The following DOT1L variants were observed in gnomAD, a reference collection of about 807,000 sequenced individuals.
DOT1L encodes the protein histone-lysine N-methyltransferase, H3 lysine-79 specific.
Under a neutral mutation model 153.3 loss-of-function variants are expected in DOT1L, and 33 were observed. The ratio of observed to expected loss-of-function variants is 0.22; its 90% CI spans 0.16 to 0.29. DOT1L has a LOEUF of 0.29. DOT1L is among the 10% of genes least tolerant of loss of function. The pLI is 1.00. For missense variants in DOT1L, 1,847 were observed against 2,119.9 expected (o/e 0.87, Z 2.53); for synonymous variants, 1,135 against 965.1 (o/e 1.18, Z -3.26).
chr19:2,227,068 G>T lies in DOT1L; in HGVS notation c.4547G>T (p.Arg1516Ile), dbSNP rs2024379524. The change falls in exon 27 of 28, where the codon AGA (arginine) becomes ATA (isoleucine). Residue 1516 changes from arginine (R) to isoleucine (I), a missense_variant. Physicochemically the swap from Arg to Ile is moderately conservative, Grantham distance 97. Around this residue, in one of 8 missense-constraint regions of DOT1L, gnomAD observed 934 missense variants for 825.3 expected, o/e 1.13. Transcript: ENST00000398665. ...GLVHVSSAAT[R>I]LTNSHAMGSF... ...GTGCACGTGTCGTCCGCTGCCACCA[G>T]ACTGACCAACTCGCACGCCATGGGC... The T allele has an allele frequency of 6.4e-7, 1 of 1,571,458 alleles. No homozygotes were observed. Among genetic ancestry groups the T allele is most frequent in the Admixed American group, 1.8e-5 (1 of 56,918 alleles).
chr19:2,216,758 C>G lies in DOT1L; in HGVS notation c.2401C>G (p.His801Asp). The change falls in exon 20 of 28, where the codon CAT (histidine) becomes GAT (aspartate). Residue 801 changes from histidine to aspartate, a missense_variant. This residue lies in a region of DOT1L where 281 missense variants were observed against 263.6 expected (regional missense o/e 1.07). Transcript: ENST00000398665. ...VPGRPAASEL[H>D]SRAEHTKENG... Reference sequence around the variant, plus strand: ...CGGCAGGCCGGCTGCCAGTGAGCTGCATTCGAGGTGAGTGCCCTGGTGGGG... The same window carrying G: ...CGGCAGGCCGGCTGCCAGTGAGCTGGATTCGAGGTGAGTGCCCTGGTGGGG... 6.3e-7 allele frequency: 1 copy of G among 1,590,086 alleles called. No individual in the cohort carries two copies. Among genetic ancestry groups the G allele is most frequent in the Non-Finnish European group, 8.5e-7 (1 of 1,172,538 alleles).
intron 8 of DOT1L, among the ~76,000 whole-genome samples, 165 bp from the exon 9 acceptor site, chr19:2,202,535 C>T (rs1170646072): frequency 6.6e-6 from 1 of 152,220 alleles, no homozygotes; most frequent in Non-Finnish European, 1.5e-5. Context: ...CTTTTCCCTG[C>T]ACCTGAAACC....
intron 25 of DOT1L, among the ~76,000 whole-genome samples, chr19:2,225,091 G>C (rs920142264): frequency 6.6e-6 from 1 of 152,244 alleles, no homozygotes; most frequent in African/African-American, 2.4e-5. Flanking sequence ...ACACTTCTGT[G>C]TGCTGGGAAA....
intron 1 of DOT1L, among the ~76,000 whole-genome samples, chr19:2,168,014 C>T (rs936033440): frequency 2.2e-4 from 34 of 152,296 alleles, no homozygotes; most frequent in Non-Finnish European, 4.1e-4. Context: ...GGATGACAGG[C>T]GTGAACCACC....
intron 2 of DOT1L, among the ~76,000 whole-genome samples, chr19:2,182,504 A>G (rs935963063): frequency 2.0e-5 from 3 of 152,202 alleles, no homozygotes; most frequent in African/African-American, 7.2e-5. Flanking sequence ...CCAGCCAGGC[A>G]ACAGAGTGAG....
rs1413569259 is a variant in DOT1L, at chr19:2,197,844, G to T, written c.652-2040G>T. Among the ~76,000 whole-genome samples, 1 of 152,224 alleles carries T rather than the reference G, an allele frequency of 6.6e-6. No individual in the cohort carries two copies. The highest frequency in any genetic ancestry group is 1.5e-5 in the Non-Finnish European group (1 of 68,042). ...TGTTTACAGCCAACCCTGCTGCGGA[G>T]GGTGGGTCAGAGAGGCTTCCACCTG... On this transcript the variant is annotated intron_variant, in intron 7 of 27. Coordinates refer to ENST00000398665, the MANE Select transcript of DOT1L (RefSeq NM_032482.3). The surrounding 1 kb of genome is among the most constrained non-coding windows in gnomAD (Gnocchi z 4.1).
Position 2,230,659 on chromosome 19 carries a change from A to T in DOT1L, c.*867A>T, listed in dbSNP as rs1295482065. 1 of 398,286 alleles carries T rather than the reference A, an allele frequency of 2.5e-6. No individual in the cohort carries two copies. The highest frequency in any genetic ancestry group is 4.4e-6 in the Non-Finnish European group (1 of 226,052). 24.7% of individuals were successfully genotyped at this position (398,286 alleles called of 1,614,324 possible). ...TAATGAGTGGCAGTATTTTATAGAGATGTGATGAGAATTTATAAATTTCAT... is the reference window on the plus strand; with the variant it reads ...TAATGAGTGGCAGTATTTTATAGAGTTGTGATGAGAATTTATAAATTTCAT... On this transcript the variant is annotated 3_prime_UTR_variant, in exon 28 of 28. Transcript: ENST00000398665.
chr19:2,224,369 C>T (rs1167141808), intron 25 of DOT1L, among the ~76,000 whole-genome samples: 1 of 152,218 alleles, frequency 6.6e-6, no homozygotes, highest in Non-Finnish European at 1.5e-5. Flanking sequence ...GTCTGAGGTC[C>T]TCAGTCCCCA....
intron 25 of DOT1L, 77 bp from the exon 26 acceptor site, chr19:2,225,311 C>A: frequency 1.4e-6 from 2 of 1,419,460 alleles, no homozygotes; most frequent in Non-Finnish European, 2.0e-6. Flanking sequence ...GCTCCCTGGG[C>A]TGTTGGCTGT....
At position 2,193,824 on chromosome 19, in the gene DOT1L, A is replaced by AC; in HGVS notation, c.588+43dup. 1 of 1,596,714 alleles carries AC rather than the reference A, an allele frequency of 6.3e-7. No homozygotes were observed. The highest frequency in any genetic ancestry group is 8.6e-7 in the Non-Finnish European group (1 of 1,168,600). On this transcript the variant is annotated intron_variant, in intron 6 of 27. Transcript: ENST00000398665. The surrounding 1 kb of genome is among the most constrained non-coding windows in gnomAD (Gnocchi z 5.9). ...GGCCAGGGTGTGTTGGAGGCAGGGG[A>AC]CCATCAGAGAAAGTGACGCCCTGGG...
rs377446168 is a variant in DOT1L at position 2,180,831 on chromosome 19, C to A, written c.125+75C>A. ...CGTGGACACCCGTGCCCTGCAGATT[C>A]TGTTGTGGGGATGGCTCCTGCAGGG... On this transcript the variant is annotated intron_variant, in intron 2 of 27. Coordinates refer to ENST00000398665, the MANE Select transcript of DOT1L (RefSeq NM_032482.3). 3.8e-6 allele frequency: 6 copies of A among 1,571,234 alleles called. No individual in the cohort carries two copies. In the African/African-American group the frequency reaches 5.4e-5, roughly 14 times the overall value.
At chr19:2,174,272 C>CA (rs1364604459) in intron 1 of DOT1L, among the ~76,000 whole-genome samples, 6 of 152,236 alleles carry the variant, frequency 3.9e-5, no homozygotes, top group Admixed American at 3.9e-4. Flanking sequence ...CTTGATCCTA[C>CA]AGACAGATGC....
chr19:2,218,955 T>C (rs2024013558), intron 22 of DOT1L, among the ~76,000 whole-genome samples: 2 of 152,126 alleles, frequency 1.3e-5, no homozygotes, highest in Non-Finnish European at 2.9e-5. Flanking sequence ...CACTGCAGCC[T>C]CCGCCTGCTG....
In DOT1L at chr19:2,191,167, C is replaced by T. The variant is rs542716517; in HGVS notation, c.420C>T (p.Ser140=). 1 of 1,613,836 alleles carries T rather than the reference C, an allele frequency of 6.2e-7. No homozygotes were observed. ...CCCCCGAGGTGTACGGGGAGACCTCCTTCGACCTGGTGGCCCAGATGATTG... is the reference window on the plus strand; with the variant it reads ...CCCCCGAGGTGTACGGGGAGACCTCTTTCGACCTGGTGGCCCAGATGATTG... ...PFSPEVYGET[S]FDLVAQMIDE... Residue 140 remains serine, a synonymous_variant, in exon 5 of 28, where the codon TCC becomes TCT. Coordinates refer to ENST00000398665, the MANE Select transcript of DOT1L (RefSeq NM_032482.3). This position sits in a 1 kb window ranked among gnomAD's most constrained non-coding sequence, Gnocchi z 6.8.
intron 2 of DOT1L, among the ~76,000 whole-genome samples, chr19:2,184,663 G>A (rs1010516795): frequency 2.6e-5 from 4 of 152,160 alleles, no homozygotes; most frequent in Non-Finnish European, 5.9e-5. Context: ...CCAAGCGGAA[G>A]GCGTGTCCTT....
At chr19:2,223,051 T>G (rs983616096) in intron 24 of DOT1L, among the ~76,000 whole-genome samples, 2 of 151,688 alleles carry the variant, frequency 1.3e-5, no homozygotes, top group African/African-American at 4.8e-5. Flanking sequence ...CTGTGGGGCC[T>G]TAGTGGTGGT....
rs970797375 is a variant in DOT1L, at chr19:2,217,670, C to T, written c.2545-102C>T. 3.4e-6 allele frequency: 5 copies of T among 1,481,290 alleles called. No individual in the cohort carries two copies. Among genetic ancestry groups the T allele is most frequent in the Admixed American group, 2.1e-5 (1 of 47,718 alleles). 91.8% of individuals were successfully genotyped at this position (1,481,290 alleles called of 1,614,324 possible). A position where few individuals can be genotyped will look rare whatever the true frequency, so the allele number is the denominator to read the frequency against. ...TGCAGGGCCTTGGCAGCGTGGGGGC[C>T]GCCTTGAGAGAGCTGTAGCAGGCCC... On this transcript the variant is annotated intron_variant, in intron 21 of 27. Coordinates refer to ENST00000398665, the MANE Select transcript of DOT1L (RefSeq NM_032482.3). This position sits in a 1 kb window ranked among gnomAD's most constrained non-coding sequence, Gnocchi z 7.3.
intron 1 of DOT1L, among the ~76,000 whole-genome samples, chr19:2,175,744 C>T (rs1473614130): frequency 2.0e-5 from 3 of 152,116 alleles, no homozygotes; most frequent in Non-Finnish European, 2.9e-5. Context: ...ACGGGAAAAT[C>T]GCTTGAACCC....
At chr19:2,206,547 T>G (rs914993956) in intron 9 of DOT1L, among the ~76,000 whole-genome samples, 182 bp from the exon 10 acceptor site, 1 of 149,130 alleles carries the variant, frequency 6.7e-6, no homozygotes, top group Non-Finnish European at 1.5e-5. Flanking sequence ...AAAAAAAAGT[T>G]ATTTGTAGAA....
Sources: allele counts gnomAD v4.1 joint callset (sites outside exome capture counted in the v4.1 genomes callset), GRCh38; gene constraint gnomAD v4.1.1; regional missense constraint gnomAD v4.1.1; non-coding constraint Gnocchi (gnomAD v3.1); transcripts MANE v1.5; gene names NCBI Gene and HGNC (gene_info 2026-07-23, HGNC 2026-07-21).